QKI: variants seen among roughly 807,000 people sequenced by gnomAD.
The protein encoded by QKI is KH domain-containing RNA-binding protein QKI.
A neutral mutation model predicts 39.0 loss-of-function variants in QKI; 10 were observed. That is an observed-to-expected ratio of 0.26 (90% CI 0.16 to 0.43). The LOEUF (loss-of-function observed/expected upper bound fraction) is 0.43. Ranked by LOEUF, QKI falls within the 20% of genes least tolerant of loss-of-function variation. QKI has a pLI of 1.00. For synonymous variants in QKI, 204 were observed against 155.4 expected (o/e 1.31, Z -2.33); for missense variants, 218 against 428.0 (o/e 0.51, Z 4.33).
rs1280168449 is a variant in QKI at position 163,439,362 on chromosome 6, G to T, written c.143-15917G>T. 2.7e-5 allele frequency among the ~76,000 whole-genome samples: 4 copies of T among 146,546 alleles called. 1 individual carries two copies. Among genetic ancestry groups the T allele is most frequent in the Admixed American group, 1.4e-4 (2 of 14,718 alleles). ...TTTGTTTTTTTTTTTTTTCGGGGGGGTGGGGGACGGAGTCTCACTCTGTTG... is the reference window on the plus strand; with the variant it reads ...TTTGTTTTTTTTTTTTTTCGGGGGGTTGGGGGACGGAGTCTCACTCTGTTG... On this transcript the variant is annotated intron_variant, in intron 1 of 7. Transcript: ENST00000361752.
chr6:163,537,235 C>T (rs900506868), intron 4 of QKI, among the ~76,000 whole-genome samples: 1 of 152,106 alleles, frequency 6.6e-6, no homozygotes, highest in Non-Finnish European at 1.5e-5. Flanking sequence ...TTATAAACCC[C>T]TATACTTCTT....
intron 1 of QKI, among the ~76,000 whole-genome samples, chr6:163,448,476 C>G (rs1183468676): frequency 1.3e-5 from 2 of 151,924 alleles, no homozygotes; most frequent in Non-Finnish European, 2.9e-5. Flanking sequence ...GCCTGTAATC[C>G]CAGCACTTTG....
At chr6:163,447,755 T>TA (rs1790262268) in intron 1 of QKI, among the ~76,000 whole-genome samples, 1 of 152,188 alleles carries the variant, frequency 6.6e-6, no homozygotes, top group Non-Finnish European at 1.5e-5. Flanking sequence ...GCTTTATTTT[T>TA]AGAGTTGGGA....
At chr6:163,509,151 A>ATCAG (rs1391782847) in intron 3 of QKI, among the ~76,000 whole-genome samples, 1 of 149,956 alleles carries the variant, frequency 6.7e-6, no homozygotes, top group Admixed American at 6.6e-5. Flanking sequence ...CAGTCAGTCA[A>ATCAG]TCAGTCAGTC....
At chr6:163,507,388 A>C (rs1455431181) in intron 3 of QKI, among the ~76,000 whole-genome samples, 1 of 152,204 alleles carries the variant, frequency 6.6e-6, no homozygotes, top group Non-Finnish European at 1.5e-5. Context: ...CAGCTACTCC[A>C]AGGAACTCTG....
At chr6:163,433,724 G>A (rs761037464) in intron 1 of QKI, among the ~76,000 whole-genome samples, 1 of 151,894 alleles carries the variant, frequency 6.6e-6, no homozygotes, top group Non-Finnish European at 1.5e-5. Context: ...CTGAGACCAC[G>A]CCATTGCACT....
intron 1 of QKI, among the ~76,000 whole-genome samples, chr6:163,415,746 C>T (rs958868252): frequency 4.6e-5 from 7 of 151,968 alleles, no homozygotes; most frequent in African/African-American, 1.4e-4. Context: ...CGCGTGTGCC[C>T]GGCGCGGGCC....
At chr6:163,528,572 A>C (rs1780658070) in intron 3 of QKI, among the ~76,000 whole-genome samples, 1 of 152,170 alleles carries the variant, frequency 6.6e-6, no homozygotes, top group Non-Finnish European at 1.5e-5. Flanking sequence ...TATATTGCTT[A>C]GCATTGTCCT....
At chr6:163,503,564 T>C (rs1317350995) in intron 3 of QKI, among the ~76,000 whole-genome samples, 5 of 152,158 alleles carry the variant, frequency 3.3e-5, no homozygotes, top group African/African-American at 9.7e-5. Flanking sequence ...GGAAACTCTT[T>C]AGTTTAATTA....
chr6:163,474,985 A>G (rs1792482605), intron 2 of QKI, among the ~76,000 whole-genome samples: 1 of 152,096 alleles, frequency 6.6e-6, no homozygotes, highest in African/African-American at 2.4e-5. Context: ...ATGGTTTTTG[A>G]AGAGTCTATA....
intron 3 of QKI, among the ~76,000 whole-genome samples, chr6:163,523,308 T>C (rs1780273615): frequency 6.6e-6 from 1 of 152,242 alleles, no homozygotes; most frequent in South Asian, 2.1e-4. Context: ...AAAATACACA[T>C]GTGGAATGCA....
chr6:163,418,595 T>C (rs1219341089), intron 1 of QKI, among the ~76,000 whole-genome samples: 1 of 152,110 alleles, frequency 6.6e-6, no homozygotes, highest in Admixed American at 6.5e-5. Flanking sequence ...GTTGGGCCCA[T>C]CATAAAATAT....
In QKI at chr6:163,417,075, T is replaced by C. The variant is rs1254012561; in HGVS notation, c.142+1740T>C. On this transcript the variant is annotated intron_variant, in intron 1 of 7. Transcript: ENST00000361752. Reference sequence around the variant, plus strand: ...TTAAATTTAGTTGAAACTTAAGTTATAGATTATTTGATTTGTCATAATGTG... The same window carrying C: ...TTAAATTTAGTTGAAACTTAAGTTACAGATTATTTGATTTGTCATAATGTG... Among the ~76,000 whole-genome samples, 7 of 152,320 alleles carry C rather than the reference T, an allele frequency of 4.6e-5. No individual in the cohort carries two copies. The South Asian group carries it at 1.0e-3, about 23-fold the overall frequency.
chr6:163,537,283 G>A (rs1414808778), intron 4 of QKI, among the ~76,000 whole-genome samples: 1 of 152,272 alleles, frequency 6.6e-6, no homozygotes, highest in Middle Eastern at 3.4e-3. Context: ...AGAATACTTA[G>A]CATAATACCT....
chr6:163,416,531 C>T (rs1037446675), intron 1 of QKI: 1 of 151,854 alleles, frequency 6.6e-6, no homozygotes, highest in East Asian at 1.9e-4. Flanking sequence ...GCAAGAATTT[C>T]GAGATTTTAA....
intron 1 of QKI, chr6:163,416,624 T>TA (rs1476843609): frequency 1.3e-5 from 2 of 152,150 alleles, no homozygotes; most frequent in Admixed American, 1.3e-4. Context: ...GTTTCCATGA[T>TA]AAAAAATGGT....
At chr6:163,505,643 G>C (rs1184415021) in intron 3 of QKI, among the ~76,000 whole-genome samples, 1 of 152,036 alleles carries the variant, frequency 6.6e-6, no homozygotes, top group African/African-American at 2.4e-5. Flanking sequence ...ATTTGGAATG[G>C]GAACATTTAC....
intron 2 of QKI, among the ~76,000 whole-genome samples, chr6:163,476,961 T>A (rs1214628952): frequency 6.6e-6 from 1 of 152,180 alleles, no homozygotes; most frequent in Non-Finnish European, 1.5e-5. Context: ...ATCCCCATTC[T>A]GTAATTGAGG....
intron 1 of QKI, among the ~76,000 whole-genome samples, chr6:163,436,789 CAAAAA>C (rs60899517): frequency 1.3e-3 from 113 of 89,420 alleles, no homozygotes; most frequent in African/African-American, 4.3e-3. Context: ...GACTCCGTCT[CAAAAA>C]AAAAAAAAAA....
Sources: gnomAD v4.1 joint callset for allele counts (sites outside exome capture counted in the v4.1 genomes callset) on GRCh38, gnomAD v4.1.1 for gene constraint, MANE v1.5 for transcripts, NCBI Gene and HGNC (gene_info 2026-07-23, HGNC 2026-07-21) for gene names.